Variants in CYRIA observed in about 807,000 individuals in gnomAD.
CYRIA encodes the protein CYFIP-related Rac1 interactor A.
CYRIA carries 15 observed loss-of-function variants against 43.9 expected under a neutral mutation model. That is an observed-to-expected ratio of 0.34 (90% confidence interval 0.23 to 0.53). The LOEUF is 0.53. CYRIA is among the 20% of genes least tolerant of loss of function. CYRIA has a pLI of 0.94. For synonymous variants in CYRIA, 117 were observed against 136.0 expected (o/e 0.86, Z 0.97); for missense variants, 236 against 394.2 (o/e 0.60, Z 3.40).
chr2:16,649,221 C>CATTTTATAT (rs1669900700), intron 1 of CYRIA, among the ~76,000 whole-genome samples: 1 of 152,162 alleles, frequency 6.6e-6, no homozygotes, highest in Non-Finnish European at 1.5e-5. Flanking sequence ...AGGTTATATG[C>CATTTTATAT]AAATACTATG....
At chr2:16,584,099 C>G (rs917541878) in intron 3 of CYRIA, among the ~76,000 whole-genome samples, 18 of 152,190 alleles carry the variant, frequency 1.2e-4, no homozygotes, top group Non-Finnish European at 1.5e-5. Context: ...ATCTCTTCCT[C>G]CTTAACTCTT....
intron 2 of CYRIA, among the ~76,000 whole-genome samples, chr2:16,589,262 C>T (rs931720746): frequency 6.6e-6 from 1 of 152,016 alleles, no homozygotes; most frequent in African/African-American, 2.4e-5. Flanking sequence ...GCTATAGTTT[C>T]CAACAATATT....
At chr2:16,575,160 A>G (rs575586421) in intron 3 of CYRIA, among the ~76,000 whole-genome samples, 62 of 152,110 alleles carry the variant, frequency 4.1e-4, no homozygotes, top group African/African-American at 1.4e-3. Context: ...GTTTTGGCCA[A>G]TTTCTCCCAT....
intron 9 of CYRIA, among the ~76,000 whole-genome samples, chr2:16,560,324 A>G (rs1027354654): frequency 2.0e-5 from 3 of 152,176 alleles, no homozygotes; most frequent in Non-Finnish European, 2.9e-5. Flanking sequence ...ATCAGATTTT[A>G]TAAGGTACTC....
chr2:16,608,113 C>G (rs1558424112), intron 2 of CYRIA, among the ~76,000 whole-genome samples: 2 of 152,152 alleles, frequency 1.3e-5, no homozygotes, highest in Admixed American at 1.3e-4. Flanking sequence ...CAAGCAGGGT[C>G]CCACACATCG....
intron 1 of CYRIA, among the ~76,000 whole-genome samples, chr2:16,657,329 G>A (rs1160057840): frequency 1.3e-5 from 2 of 152,028 alleles, no homozygotes. Context: ...AATTCCCTCT[G>A]CCATCCCCCT....
intron 1 of CYRIA, among the ~76,000 whole-genome samples, chr2:16,648,327 C>CA (rs59091239): frequency 0.29 from 35,632 of 121,982 alleles, 6,906 homozygotes; most frequent in African/African-American, 0.56. Context: ...ATGACAACAG[C>CA]AAAAAAAAAA....
intron 2 of CYRIA, among the ~76,000 whole-genome samples, chr2:16,600,674 G>T (rs191491625): frequency 1.3e-5 from 2 of 152,286 alleles, no homozygotes; most frequent in Non-Finnish European, 2.9e-5. Flanking sequence ...AAGTAACAGA[G>T]TAATTATAGT....
At chr2:16,621,194 C>G (rs1668982236) in intron 2 of CYRIA, among the ~76,000 whole-genome samples, 1 of 152,204 alleles carries the variant, frequency 6.6e-6, no homozygotes, top group African/African-American at 2.4e-5. Flanking sequence ...TCCTTCTACC[C>G]TGAAGGCGAG....
chr2:16,626,162 A>AATACC (rs1236244604), intron 1 of CYRIA, among the ~76,000 whole-genome samples: 1 of 152,046 alleles, frequency 6.6e-6, no homozygotes, highest in Non-Finnish European at 1.5e-5. Context: ...TTAATAACCG[A>AATACC]ATACCACTTC....
chr2:16,619,471 A>G (rs1668924275), intron 2 of CYRIA, among the ~76,000 whole-genome samples: 1 of 152,196 alleles, frequency 6.6e-6, no homozygotes, highest in Non-Finnish European at 1.5e-5. Flanking sequence ...CAGGGGAAAT[A>G]CAGTTTTCAC....
intron 1 of CYRIA, among the ~76,000 whole-genome samples, chr2:16,630,603 A>T (rs1007956619): frequency 2.6e-5 from 4 of 152,158 alleles, no homozygotes; most frequent in African/African-American, 9.7e-5. Flanking sequence ...CTTTTCGATG[A>T]GTTCACATTG....
chr2:16,562,099 G>T lies in CYRIA; in HGVS notation c.341C>A (p.Pro114His), dbSNP rs1294951607. Reference sequence around the variant, plus strand: ...TTCCAGGTGTTGGGTTGGTGTGTAGGGTGGACAAGTCAGAGATTCCAATAA... The same window carrying T: ...TTCCAGGTGTTGGGTTGGTGTGTAGTGTGGACAAGTCAGAGATTCCAATAA... Reference protein sequence around the residue: ...QSLLESLTCPPYTPTQHLERE... With the variant: ...QSLLESLTCPHYTPTQHLERE... The change falls in exon 6 of 12, where the codon CCC becomes CAC. Residue 114 changes from proline to histidine, a missense_variant. Coordinates refer to ENST00000381323, the MANE Select transcript of CYRIA (RefSeq NM_030797.4). 1 of 1,613,152 alleles carries T rather than the reference G, an allele frequency of 6.2e-7. No individual in the cohort carries two copies. The highest frequency in any genetic ancestry group is 8.5e-7 in the Non-Finnish European group (1 of 1,179,408).
chr2:16,660,848 G>A (rs1282246852), intron 1 of CYRIA, among the ~76,000 whole-genome samples: 1 of 152,170 alleles, frequency 6.6e-6, no homozygotes, highest in Non-Finnish European at 1.5e-5. Context: ...AGCTGGACCT[G>A]GTAAACACAC....
At chr2:16,591,309 AGAACATTTGTTGGAGATG>A (rs1667921984) in intron 2 of CYRIA, among the ~76,000 whole-genome samples, 1 of 152,194 alleles carries the variant, frequency 6.6e-6, no homozygotes, top group Non-Finnish European at 1.5e-5. Context: ...CATCCCATCC[AGAACATTTGTTGGAGATG>A]GCTTATCGTC....
intron 3 of CYRIA, among the ~76,000 whole-genome samples, chr2:16,575,735 A>G (rs1464708340): frequency 1.3e-5 from 2 of 152,008 alleles, no homozygotes; most frequent in South Asian, 2.1e-4. Flanking sequence ...GGGCGCCTGT[A>G]GTCCCAGCTA....
intron 2 of CYRIA, among the ~76,000 whole-genome samples, chr2:16,591,840 C>G (rs1010506123): frequency 1.3e-5 from 2 of 152,026 alleles, no homozygotes. Context: ...GTTGTGTATA[C>G]TGTAAAGTTT....
chr2:16,592,432 C>T (rs1166666084), intron 2 of CYRIA, among the ~76,000 whole-genome samples: 1 of 151,936 alleles, frequency 6.6e-6, no homozygotes, highest in African/African-American at 2.4e-5. Flanking sequence ...GGAAGGTGGT[C>T]CTCCTTTCAT....
chr2:16,665,489 G>A (rs541548161), intron 1 of CYRIA, among the ~76,000 whole-genome samples: 11 of 152,074 alleles, frequency 7.2e-5, no homozygotes, highest in Admixed American at 7.2e-4. Flanking sequence ...AGTGAGGGAC[G>A]AGGGAGGGTG....
Sources: gnomAD v4.1 joint callset for allele counts (sites outside exome capture counted in the v4.1 genomes callset) on GRCh38, gnomAD v4.1.1 for gene constraint, MANE v1.5 for transcripts, NCBI Gene and HGNC (gene_info 2026-07-23, HGNC 2026-07-21) for gene names.